The following PDSS1 variants were observed in gnomAD, a reference collection of about 807,000 sequenced individuals.
The protein encoded by PDSS1 is all trans-polyprenyl-diphosphate synthase PDSS1.
In PDSS1, 43 loss-of-function variants were observed where a neutral mutation model predicts 57.5. The observed-to-expected ratio is 0.75, with a 90% CI of 0.59 to 0.96. PDSS1 has a LOEUF of 0.96. Ranked by LOEUF, PDSS1 falls within the 50% of genes least tolerant of loss-of-function variation. PDSS1 has a pLI of 0.00. For missense variants in PDSS1, 438 were observed against 527.8 expected, an observed-to-expected ratio of 0.83 and a Z score of 1.67; for synonymous variants, 175 against 191.3, an observed-to-expected ratio of 0.91 and a Z score of 0.70.
Position 26,697,832 on chromosome 10 carries a change from C to T in PDSS1, c.121C>T (p.Arg41Cys). The change falls in exon 1 of 12, where the codon CGC becomes TGC. Residue 41 changes from arginine to cysteine, a missense_variant. Arg to Cys is a radical substitution (Grantham distance 180). Around this residue, in one of 2 missense-constraint regions of PDSS1, gnomAD observed 154 missense variants for 137.0 expected, o/e 1.12. Transcript: ENST00000376215. The part of the protein sequence containing the change: ...PLGPSAAAEV[R>C]AQVHRRKGLD... Reference sequence around the variant, plus strand: ...GGGGCCGAGCGCCGCTGCCGAAGTCCGCGCGCAGGTGAGGTTGGGAGGCGC... The same window carrying T: ...GGGGCCGAGCGCCGCTGCCGAAGTCTGCGCGCAGGTGAGGTTGGGAGGCGC... 7.5e-7 allele frequency: 1 copy of T among 1,338,448 alleles called. No homozygotes were observed. Among genetic ancestry groups the T allele is most frequent in the Non-Finnish European group, 9.6e-7 (1 of 1,038,490 alleles). 82.9% of individuals were successfully genotyped at this position (1,338,448 alleles called of 1,614,324 possible).
chr10:26,740,472 A>G (rs1016646546), intron 10 of PDSS1, among the ~76,000 whole-genome samples: 8 of 152,246 alleles, frequency 5.3e-5, no homozygotes. Context: ...CTGTAAACAC[A>G]TTAGCAGTCT....
chr10:26,718,487 G>A (rs192779055), intron 5 of PDSS1, among the ~76,000 whole-genome samples: 42 of 152,228 alleles, frequency 2.8e-4, no homozygotes, highest in African/African-American at 9.1e-4. Context: ...GAGGCCAGGC[G>A]TGGTGGCTCA....
chr10:26,701,126 C>T (rs1362306306), intron 1 of PDSS1, among the ~76,000 whole-genome samples: 2 of 152,124 alleles, frequency 1.3e-5, no homozygotes, highest in African/African-American at 2.4e-5. Context: ...GCATTTTGCC[C>T]CACCCTAGAG....
chr10:26,710,948 A>G (rs2132234725), intron 5 of PDSS1, among the ~76,000 whole-genome samples: 1 of 98,912 alleles, frequency 1.0e-5, no homozygotes, highest in East Asian at 2.5e-4. Flanking sequence ...GCCTAAGGTG[A>G]GAGGACTCTT....
intron 5 of PDSS1, among the ~76,000 whole-genome samples, chr10:26,710,170 G>T (rs1835378471): frequency 1.3e-5 from 1 of 75,032 alleles, no homozygotes; most frequent in Non-Finnish European, 3.1e-5. Flanking sequence ...AAAAAAAGTA[G>T]CATGTACCTA....
Position 26,731,290 on chromosome 10 carries a change from A to G in PDSS1, c.832-3950A>G, listed in dbSNP as rs142561046. Reference sequence around the variant, plus strand: ...CGGGAGGTGGAGGTTGTAGTGAGCCAAGATCACGTCACTGCACTCCAGCAT... The same window carrying G: ...CGGGAGGTGGAGGTTGTAGTGAGCCGAGATCACGTCACTGCACTCCAGCAT... On this transcript the variant is annotated intron_variant, in intron 8 of 11. Coordinates refer to ENST00000376215, the MANE Select transcript of PDSS1 (RefSeq NM_014317.5). Among the ~76,000 whole-genome samples, 272 of 152,262 alleles carry G rather than the reference A, an allele frequency of 1.8e-3. 1 individual carries two copies. The highest frequency in any genetic ancestry group is 5.4e-3 in the African/African-American group (225 of 41,550).
chr10:26,700,247 TC>T (rs1225908945), intron 1 of PDSS1, among the ~76,000 whole-genome samples: 2 of 140,910 alleles, frequency 1.4e-5, no homozygotes, highest in Admixed American at 7.3e-5. Flanking sequence ...CTCAAGCCAT[TC>T]CCCCCTCCCC....
chr10:26,719,700 C>T (rs1459253393), intron 5 of PDSS1, among the ~76,000 whole-genome samples: 2 of 152,022 alleles, frequency 1.3e-5, no homozygotes, highest in East Asian at 1.9e-4. Context: ...ACCTGGGAGG[C>T]GAAGGTTGTG....
chr10:26,729,981 C>T (rs1836117401), intron 8 of PDSS1, among the ~76,000 whole-genome samples: 1 of 138,830 alleles, frequency 7.2e-6, no homozygotes, highest in African/African-American at 2.7e-5. Flanking sequence ...GGCACTATCT[C>T]AGCTCACTGC....
intron 10 of PDSS1, chr10:26,740,967 TC>T (rs1443236479): frequency 4.2e-6 from 1 of 239,986 alleles, no homozygotes; most frequent in African/African-American, 2.2e-5. Flanking sequence ...ACCTATTTTT[TC>T]TCTCTCTTCT....
chr10:26,735,875 T>A (rs1003989298), intron 10 of PDSS1, among the ~76,000 whole-genome samples: 3 of 152,202 alleles, frequency 2.0e-5, no homozygotes, highest in Middle Eastern at 3.2e-3. Context: ...CCATAGGCAT[T>A]TGAGGTAGCA....
chr10:26,742,877 G>GT (rs1284531716), intron 11 of PDSS1, among the ~76,000 whole-genome samples: 4 of 152,294 alleles, frequency 2.6e-5, no homozygotes, highest in Non-Finnish European at 5.9e-5. Flanking sequence ...ACCCAGTGGT[G>GT]TGGAACCAGC....
intron 8 of PDSS1, 53 bp downstream of exon 8, chr10:26,724,176 A>G (rs762011400): frequency 8.0e-7 from 1 of 1,245,206 alleles, no homozygotes; most frequent in Non-Finnish European, 1.2e-6. Flanking sequence ...CTTTTTTGGG[A>G]GCTAATTTTC....
Position 26,713,074 on chromosome 10 carries a change from C to T in PDSS1, c.467+3306C>T, listed in dbSNP as rs775930104. Among the ~76,000 whole-genome samples the T allele has an allele frequency of 9.8e-4, 94 of 95,538 alleles. 34 individuals carry two copies. Among genetic ancestry groups the T allele is most frequent in the Non-Finnish European group, 1.7e-3 (70 of 41,670 alleles). The allele number at this position is 95,538 out of a possible 152,430, so 62.7% of individuals were successfully genotyped here. ...TTGGGAGGCTGAGGCAGGCGGGTCA[C>T]GAGGTCAGGAGATCAAGACCATCCT... On this transcript the variant is annotated intron_variant, in intron 5 of 11. Transcript: ENST00000376215.
intron 10 of PDSS1, chr10:26,740,676 G>A (rs569146513): frequency 2.2e-4 from 99 of 456,716 alleles, no homozygotes; most frequent in African/African-American, 1.6e-3. Flanking sequence ...GGCAGCTGCT[G>A]TAAGCACTGA....
intron 11 of PDSS1, among the ~76,000 whole-genome samples, chr10:26,743,235 G>T (rs913138935): frequency 6.6e-6 from 1 of 152,196 alleles, no homozygotes; most frequent in Non-Finnish European, 1.5e-5. Context: ...TGCATGACTT[G>T]AGTTTTGGTG....
intron 4 of PDSS1, 150 bp from the exon 5 acceptor site, chr10:26,709,488 G>A: frequency 2.7e-6 from 2 of 739,844 alleles, no homozygotes; most frequent in Admixed American, 4.0e-5. Context: ...ATGAACCCGG[G>A]AGGCGGAGGT....
At chr10:26,739,532 T>C (rs959552271) in intron 10 of PDSS1, among the ~76,000 whole-genome samples, 1 of 152,184 alleles carries the variant, frequency 6.6e-6, no homozygotes, top group Non-Finnish European at 1.5e-5. Flanking sequence ...TCAATGCTTT[T>C]TATAGTAAAA....
At chr10:26,726,557 GGGA>G (rs1835953688) in intron 8 of PDSS1, among the ~76,000 whole-genome samples, 2 of 152,166 alleles carry the variant, frequency 1.3e-5, no homozygotes, top group South Asian at 4.1e-4. Flanking sequence ...CCAAAAAGAG[GGGA>G]GGAGGAGAAC....
Sources: allele counts gnomAD v4.1 joint callset (sites outside exome capture counted in the v4.1 genomes callset), GRCh38; gene constraint gnomAD v4.1.1; regional missense constraint gnomAD v4.1.1; transcripts MANE v1.5; gene names NCBI Gene and HGNC (gene_info 2026-07-23, HGNC 2026-07-21).